GRID2: variants seen among roughly 807,000 people sequenced by gnomAD.
GRID2 encodes glutamate ionotropic receptor delta type subunit 2.
Under a neutral mutation model 114.8 loss-of-function variants are expected in GRID2, and 33 were observed. The observed-to-expected ratio is 0.29, with a 90% CI of 0.22 to 0.38. GRID2 has a LOEUF of 0.38. GRID2 is among the 10% of genes least tolerant of loss of function. The probability of loss-of-function intolerance (pLI) is 1.00; values close to 1 mark genes in which losing one functional copy is unlikely to be tolerated. For missense variants in GRID2, 1,184 were observed against 1,257.7 expected, an observed-to-expected ratio of 0.94 and a Z score of 0.89; for synonymous variants, 505 against 449.9, an observed-to-expected ratio of 1.12 and a Z score of -1.55.
intron 2 of GRID2, among the ~76,000 whole-genome samples, chr4:92,981,915 G>A (rs1754235413): frequency 6.6e-6 from 1 of 151,308 alleles, no homozygotes; most frequent in East Asian, 1.9e-4. Context: ...TGTGCAATGT[G>A]GAAGTGAACG....
chr4:93,624,351 A>G (rs570841241), intron 13 of GRID2, among the ~76,000 whole-genome samples: 1 of 152,202 alleles, frequency 6.6e-6, no homozygotes, highest in South Asian at 2.1e-4. Flanking sequence ...TTTTTTGCAT[A>G]GGATAAAGTT....
intron 8 of GRID2, among the ~76,000 whole-genome samples, chr4:93,352,101 T>G (rs1056486053): frequency 6.6e-6 from 1 of 152,044 alleles, no homozygotes; most frequent in Non-Finnish European, 1.5e-5. Flanking sequence ...GTAGCAAGAT[T>G]AGAGAGCACT....
At chr4:93,738,879 G>A (rs1014250438) in intron 14 of GRID2, among the ~76,000 whole-genome samples, 3 of 152,068 alleles carry the variant, frequency 2.0e-5, no homozygotes, top group Non-Finnish European at 4.4e-5. Context: ...TGCTATCCAG[G>A]TCTGAGTAAC....
intron 1 of GRID2, among the ~76,000 whole-genome samples, chr4:92,317,438 G>A (rs972576832): frequency 5.3e-5 from 8 of 152,142 alleles, no homozygotes; most frequent in African/African-American, 1.4e-4. Flanking sequence ...CAGATTGTTC[G>A]CAAACTAACT....
intron 2 of GRID2, among the ~76,000 whole-genome samples, chr4:92,885,906 T>A (rs1299575744): frequency 6.6e-6 from 1 of 152,224 alleles, no homozygotes; most frequent in Non-Finnish European, 1.5e-5. Flanking sequence ...AGGAACCAAC[T>A]GTGTTAAAAT....
chr4:92,588,678 C>CAAAAAA lies in GRID2; in HGVS notation c.89-1433_89-1428dup, dbSNP rs1209254541. On this transcript the variant is annotated intron_variant, in intron 1 of 15. Coordinates refer to ENST00000282020, the MANE Select transcript of GRID2 (RefSeq NM_001510.4). ...TGGGCAACAGAGTGAGACTCCGTCT[C>CAAAAAA]AAAAAAAAAAAAAAAAAAAAAAAAA... Among the ~76,000 whole-genome samples the CAAAAAA allele has an allele frequency of 9.3e-3, 656 of 70,258 alleles. 18 individuals carry two copies. Among genetic ancestry groups the CAAAAAA allele is most frequent in the East Asian group, 0.02 (43 of 2,158 alleles). 46.1% of individuals were successfully genotyped at this position (70,258 alleles called of 152,430 possible).
intron 1 of GRID2, among the ~76,000 whole-genome samples, chr4:92,341,712 A>G (rs981418568): frequency 5.3e-5 from 8 of 152,076 alleles, no homozygotes; most frequent in Middle Eastern, 3.4e-3. Flanking sequence ...CGAGATTGAG[A>G]CCATCCTGGC....
chr4:92,737,023 T>A (rs1736631741), intron 2 of GRID2, among the ~76,000 whole-genome samples: 1 of 152,106 alleles, frequency 6.6e-6, no homozygotes, highest in Non-Finnish European at 1.5e-5. Context: ...CATATACTCA[T>A]ATTTTTAATT....
intron 2 of GRID2, among the ~76,000 whole-genome samples, chr4:92,632,272 TA>T (rs1235945621): frequency 6.6e-6 from 1 of 152,200 alleles, no homozygotes; most frequent in Non-Finnish European, 1.5e-5. Context: ...TCAGTTTACC[TA>T]TTTTTCCACT....
At chr4:92,344,881 C>A (rs1285686624) in intron 1 of GRID2, among the ~76,000 whole-genome samples, 2 of 151,986 alleles carry the variant, frequency 1.3e-5, no homozygotes, top group Non-Finnish European at 2.9e-5. Context: ...TTAGATACCA[C>A]CTTTAAAAAA....
At chr4:93,248,163 A>G (rs1369758632) in intron 8 of GRID2, among the ~76,000 whole-genome samples, 1 of 152,190 alleles carries the variant, frequency 6.6e-6, no homozygotes, top group Non-Finnish European at 1.5e-5. Flanking sequence ...CTTAACATCC[A>G]CTGAACAACC....
chr4:92,334,669 C>T (rs776205109), intron 1 of GRID2, among the ~76,000 whole-genome samples: 33 of 151,996 alleles, frequency 2.2e-4, no homozygotes, highest in Non-Finnish European at 4.7e-4. Context: ...GTAGAGCTCT[C>T]GTGATGTAAT....
intron 11 of GRID2, among the ~76,000 whole-genome samples, chr4:93,467,543 T>C (rs1477560482): frequency 6.6e-6 from 1 of 152,214 alleles, no homozygotes; most frequent in Non-Finnish European, 1.5e-5. Flanking sequence ...GATATCATTA[T>C]AGTCTCTTCT....
chr4:92,913,634 A>G (rs1294349571), intron 2 of GRID2, among the ~76,000 whole-genome samples: 1 of 152,018 alleles, frequency 6.6e-6, no homozygotes. Flanking sequence ...GCAAAACTGC[A>G]GCACTTGAAA....
At chr4:93,562,246 A>G (rs538185052) in intron 13 of GRID2, among the ~76,000 whole-genome samples, 13 of 151,328 alleles carry the variant, frequency 8.6e-5, no homozygotes, top group Middle Eastern at 3.2e-3. Context: ...ATAGCTCATT[A>G]TTGTTTTAAT....
intron 2 of GRID2, among the ~76,000 whole-genome samples, chr4:93,068,413 A>G (rs949291860): frequency 8.5e-5 from 13 of 152,082 alleles, no homozygotes; most frequent in Non-Finnish European, 1.2e-4. Context: ...AATTTTCAGA[A>G]TTATGGAAAA....
intron 2 of GRID2, among the ~76,000 whole-genome samples, chr4:92,972,937 TCA>T (rs1165051071): frequency 6.6e-6 from 1 of 152,198 alleles, no homozygotes; most frequent in Non-Finnish European, 1.5e-5. Context: ...GGAAATGATC[TCA>T]GTCTTTTTTA....
intron 4 of GRID2, among the ~76,000 whole-genome samples, chr4:93,121,779 A>G (rs1733804116): frequency 6.6e-6 from 1 of 151,998 alleles, no homozygotes; most frequent in Non-Finnish European, 1.5e-5. Context: ...AAGCATTCCA[A>G]TTTTCCGTTT....
chr4:93,227,874 C>G (rs1445018602), intron 7 of GRID2, among the ~76,000 whole-genome samples: 1 of 152,190 alleles, frequency 6.6e-6, no homozygotes, highest in Non-Finnish European at 1.5e-5. Context: ...CCAGAATGTC[C>G]TTTTCTCTCC....
Sources: gnomAD v4.1 joint callset for allele counts (sites outside exome capture counted in the v4.1 genomes callset) on GRCh38, gnomAD v4.1.1 for gene constraint, MANE v1.5 for transcripts, NCBI Gene and HGNC (gene_info 2026-07-23, HGNC 2026-07-21) for gene names.